MGAT4C: variants seen among roughly 807,000 people sequenced by gnomAD.
The protein encoded by MGAT4C is MGAT4 family member C.
MGAT4C carries 19 observed loss-of-function variants against 40.1 expected under a neutral mutation model. That is an observed-to-expected ratio of 0.47 (90% CI 0.33 to 0.70). The LOEUF (loss-of-function observed/expected upper bound fraction) is 0.70. MGAT4C is among the 30% of genes least tolerant of loss of function. The probability of loss-of-function intolerance (pLI) is 0.02; values close to 1 mark genes in which losing one functional copy is unlikely to be tolerated. For missense variants in MGAT4C, 491 were observed against 563.2 expected (o/e 0.87, Z 1.30); for synonymous variants, 181 against 187.1 (o/e 0.97, Z 0.27).
At chr12:86,487,670 TG>T (rs1958046008) in intron 2 of MGAT4C, among the ~76,000 whole-genome samples, 1 of 152,208 alleles carries the variant, frequency 6.6e-6, no homozygotes, top group African/African-American at 2.4e-5. Context: ...TAAGGTAATT[TG>T]ACTTTTATGC....
intron 1 of MGAT4C, among the ~76,000 whole-genome samples, chr12:86,810,184 T>A (rs1470304312): frequency 6.6e-6 from 1 of 151,990 alleles, no homozygotes; most frequent in Non-Finnish European, 1.5e-5. Context: ...TATTGAAATG[T>A]GTTTTTTAAA....
intron 4 of MGAT4C, among the ~76,000 whole-genome samples, chr12:86,276,009 G>C (rs1953072194): frequency 1.4e-5 from 2 of 142,372 alleles, no homozygotes. Context: ...TGTAGTCCCA[G>C]CTACAGGCTG....
chr12:86,164,410 C>G (rs974559886), intron 1 of MGAT4C, among the ~76,000 whole-genome samples: 1 of 152,170 alleles, frequency 6.6e-6, no homozygotes, highest in Non-Finnish European at 1.5e-5. Context: ...TAATCAATAA[C>G]TGTTTACTGC....
chr12:86,787,000 G>A (rs1355173750), intron 1 of MGAT4C, among the ~76,000 whole-genome samples: 1 of 152,028 alleles, frequency 6.6e-6, no homozygotes, highest in Non-Finnish European at 1.5e-5. Context: ...AACAATGTAT[G>A]TTTTGTATTT....
intron 2 of MGAT4C, among the ~76,000 whole-genome samples, chr12:86,566,540 A>G (rs1456202750): frequency 6.1e-5 from 5 of 81,310 alleles, no homozygotes; most frequent in Non-Finnish European, 9.2e-5. Context: ...ACATATATAT[A>G]TATATATATA....
chr12:86,514,215 T>A (rs376640145), intron 2 of MGAT4C, among the ~76,000 whole-genome samples: 26 of 152,250 alleles, frequency 1.7e-4, no homozygotes, highest in African/African-American at 5.5e-4. Flanking sequence ...GAAATTTCTG[T>A]AGCCATACAG....
At chr12:86,147,739 A>G (rs936810748) in intron 1 of MGAT4C, among the ~76,000 whole-genome samples, 1 of 152,204 alleles carries the variant, frequency 6.6e-6, no homozygotes, top group Non-Finnish European at 1.5e-5. Flanking sequence ...AATGGAAATC[A>G]TATTGAGTGA....
At chr12:86,070,738 A>G (rs1024593041) in intron 1 of MGAT4C, among the ~76,000 whole-genome samples, 29 of 152,244 alleles carry the variant, frequency 1.9e-4, no homozygotes, top group African/African-American at 6.3e-4. Context: ...TATACTTACC[A>G]GGACAGAGTA....
intron 2 of MGAT4C, among the ~76,000 whole-genome samples, chr12:86,502,385 T>C (rs1958363185): frequency 6.6e-6 from 1 of 151,734 alleles, no homozygotes; most frequent in Non-Finnish European, 1.5e-5. Context: ...CAGGGGATCT[T>C]TAGGGCACTG....
chr12:86,074,623 T>C (rs370803846), intron 1 of MGAT4C, among the ~76,000 whole-genome samples: 1 of 152,088 alleles, frequency 6.6e-6, no homozygotes, highest in African/African-American at 2.4e-5. Flanking sequence ...TTAGCTTGTT[T>C]TCATGCTGTT....
At chr12:86,386,626 A>T (rs1461192709) in intron 3 of MGAT4C, among the ~76,000 whole-genome samples, 2 of 152,192 alleles carry the variant, frequency 1.3e-5, no homozygotes, top group Admixed American at 1.3e-4. Flanking sequence ...TGCCTATTTC[A>T]ATGCTTGTTT....
Position 86,297,742 on chromosome 12 carries a change from A to G in MGAT4C, c.-57+36323T>C, listed in dbSNP as rs951825316. ...TACACAGGTGGTTTATGAAAACCCA[A>G]TGCAATTTTAACAAAAGAAAAAAAG... On this transcript the variant is annotated intron_variant, in intron 4 of 7. Transcript: ENST00000548651. 3.3e-5 allele frequency among the ~76,000 whole-genome samples: 5 copies of G among 152,158 alleles called. No homozygotes were observed. The East Asian group carries it at 7.7e-4, about 23-fold the overall frequency.
At chr12:86,012,677 G>A (rs891031136) in intron 2 of MGAT4C, among the ~76,000 whole-genome samples, 2 of 151,660 alleles carry the variant, frequency 1.3e-5, no homozygotes, top group Admixed American at 6.6e-5. Flanking sequence ...GCTTGAACCC[G>A]GGAAGCAGAA....
intron 2 of MGAT4C, among the ~76,000 whole-genome samples, chr12:86,656,118 AT>A (rs1963844368): frequency 1.3e-5 from 2 of 152,076 alleles, no homozygotes; most frequent in African/African-American, 4.8e-5. Context: ...AAATTATGTT[AT>A]TTTTTAAAAT....
At chr12:86,694,779 A>G (rs993632286) in intron 2 of MGAT4C, among the ~76,000 whole-genome samples, 1 of 152,214 alleles carries the variant, frequency 6.6e-6, no homozygotes, top group Admixed American at 6.5e-5. Flanking sequence ...TAAAGATTAA[A>G]GACTGAAATC....
At chr12:86,043,950 G>T (rs1892139598) in intron 2 of MGAT4C, among the ~76,000 whole-genome samples, 1 of 152,184 alleles carries the variant, frequency 6.6e-6, no homozygotes, top group African/African-American at 2.4e-5. Context: ...GGACACTTTA[G>T]TTTTTTGAGT....
chr12:86,508,628 C>T lies in MGAT4C; in HGVS notation c.-228-73363G>A, dbSNP rs376262140. Reference sequence around the variant, plus strand: ...TTCTAGTTCTAGATCCCTGAGGAATCGCCACACCGACCTTCACAATGGTTG... The same window carrying T: ...TTCTAGTTCTAGATCCCTGAGGAATTGCCACACCGACCTTCACAATGGTTG... On this transcript the variant is annotated intron_variant, in intron 2 of 7. Transcript: ENST00000548651. Among the ~76,000 whole-genome samples, 5 of 151,878 alleles carry T rather than the reference C, an allele frequency of 3.3e-5. No individual in the cohort carries two copies. The East Asian group carries it at 7.8e-4, about 24-fold the overall frequency.
intron 3 of MGAT4C, among the ~76,000 whole-genome samples, chr12:86,380,614 T>C (rs1955910802): frequency 6.6e-6 from 1 of 152,136 alleles, no homozygotes; most frequent in Non-Finnish European, 1.5e-5. Flanking sequence ...AGATCAAAAT[T>C]CAACATTACA....
At chr12:85,984,927 C>T (rs367725829) in intron 3 of MGAT4C, among the ~76,000 whole-genome samples, 27 of 152,158 alleles carry the variant, frequency 1.8e-4, no homozygotes, top group African/African-American at 5.5e-4. Flanking sequence ...TGCAGGCACA[C>T]GCCACCATGC....
Sources: allele counts gnomAD v4.1 joint callset (sites outside exome capture counted in the v4.1 genomes callset), GRCh38; gene constraint gnomAD v4.1.1; transcripts MANE v1.5; gene names NCBI Gene and HGNC (gene_info 2026-07-23, HGNC 2026-07-21).